The following DNAJC15 variants were observed in gnomAD, a reference collection of about 807,000 sequenced individuals.
The protein encoded by DNAJC15 is dnaJ homolog subfamily C member 15.
In DNAJC15, 27 loss-of-function variants were observed where a neutral mutation model predicts 22.4. The observed-to-expected ratio is 1.20, with a 90% CI of 0.89 to 1.66. The LOEUF is 1.66. Ranked by LOEUF, DNAJC15 falls within the 40% of genes most tolerant of loss-of-function variation. DNAJC15 has a pLI of 0.00. For synonymous variants in DNAJC15, 79 were observed against 63.2 expected, an observed-to-expected ratio of 1.25 and a Z score of -1.19; for missense variants, 208 against 187.1, an observed-to-expected ratio of 1.11 and a Z score of -0.65.
chr13:43,091,844 A>G (rs1289400247), intron 5 of DNAJC15, among the ~76,000 whole-genome samples: 1 of 152,104 alleles, frequency 6.6e-6, no homozygotes, highest in Non-Finnish European at 1.5e-5. Context: ...AGGGTTTTGT[A>G]GTTATCTCTA....
intron 2 of DNAJC15, among the ~76,000 whole-genome samples, chr13:43,067,128 C>T (rs2040587984): frequency 6.6e-6 from 1 of 152,162 alleles, no homozygotes; most frequent in Non-Finnish European, 1.5e-5. Context: ...GGCAGAGCTG[C>T]ATTCCATTTT....
intron 1 of DNAJC15, among the ~76,000 whole-genome samples, chr13:43,048,841 C>T (rs2040489829): frequency 6.6e-6 from 1 of 152,036 alleles, no homozygotes; most frequent in African/African-American, 2.4e-5. Flanking sequence ...AAAAATATAT[C>T]CAATAATTAG....
intron 5 of DNAJC15, among the ~76,000 whole-genome samples, chr13:43,099,978 C>G (rs1271071516): frequency 6.6e-6 from 1 of 151,812 alleles, no homozygotes; most frequent in Admixed American, 6.6e-5. Context: ...TTCTCTTTCT[C>G]TCTTCTATAA....
At chr13:43,072,930 A>T (rs917145911) in intron 3 of DNAJC15, among the ~76,000 whole-genome samples, 45 of 152,112 alleles carry the variant, frequency 3.0e-4, no homozygotes, top group African/African-American at 1.1e-3. Flanking sequence ...CCCATTTTTT[A>T]ATTAATGTGG....
At position 43,110,834 on chromosome 13, in the gene DNAJC15, C is replaced by G. The variant is rs2040821334; in HGVS notation, c.*3586C>G. The G allele has an allele frequency of 6.6e-6, 1 of 152,158 alleles. No individual in the cohort carries two copies. Among genetic ancestry groups the G allele is most frequent in the Admixed American group, 6.5e-5 (1 of 15,278 alleles). The allele number at this position is 152,158 out of a possible 1,614,324, so 9.4% of individuals were successfully genotyped here. A position where few individuals can be genotyped will look rare whatever the true frequency, so the allele number is the denominator to read the frequency against. On this transcript the variant is annotated 3_prime_UTR_variant, in exon 6 of 6. Transcript: ENST00000379221. ...TAGGCTTATAAAACTGAATTTTCAC[C>G]AGCCACACCCTCCCCCCAACTCCTT...
chr13:43,048,129 T>C (rs1368017742), intron 1 of DNAJC15, among the ~76,000 whole-genome samples: 1 of 152,214 alleles, frequency 6.6e-6, no homozygotes, highest in African/African-American at 2.4e-5. Flanking sequence ...TCAGAGAGAA[T>C]GCAGTGAAAG....
intron 1 of DNAJC15, among the ~76,000 whole-genome samples, chr13:43,043,994 C>T (rs2040465231): frequency 6.6e-6 from 1 of 152,022 alleles, no homozygotes; most frequent in Non-Finnish European, 1.5e-5. Context: ...TATAAATTCT[C>T]GTTATTGTCA....
chr13:43,107,124 T>C, intron 5 of DNAJC15, 54 bp from the exon 6 acceptor site: 2 of 1,442,296 alleles, frequency 1.4e-6, no homozygotes, highest in East Asian at 2.5e-5. Context: ...TTGGGGACTT[T>C]AAAGTATGTC....
At chr13:43,047,623 T>G (rs1489527250) in intron 1 of DNAJC15, among the ~76,000 whole-genome samples, 1 of 152,178 alleles carries the variant, frequency 6.6e-6, no homozygotes, top group Admixed American at 6.5e-5. Context: ...GATGAGGAAA[T>G]GGGCCCAAAG....
chr13:43,109,489 G>A lies in DNAJC15; in HGVS notation c.*2241G>A, dbSNP rs986658881. ...CCCTCAGATGCACCTTTTAATTGAT[G>A]TCATATTTTCCTAATCCATACTTTA... On this transcript the variant is annotated 3_prime_UTR_variant, in exon 6 of 6. Transcript: ENST00000379221. The A allele has an allele frequency of 5.3e-5, 8 of 152,122 alleles. No individual in the cohort carries two copies. The highest frequency in any genetic ancestry group is 1.3e-4 in the Admixed American group (2 of 15,260). 9.4% of individuals were successfully genotyped at this position (152,122 alleles called of 1,614,324 possible). A position where few individuals can be genotyped will look rare whatever the true frequency, so the allele number is the denominator to read the frequency against.
intron 1 of DNAJC15, among the ~76,000 whole-genome samples, chr13:43,058,477 T>TGTG (rs2040542012): frequency 6.6e-6 from 1 of 152,142 alleles, no homozygotes; most frequent in South Asian, 2.1e-4. Flanking sequence ...CAGGGCTTGC[T>TGTG]GTGGCCACTG....
chr13:43,086,698 T>C (rs984672528), intron 5 of DNAJC15, among the ~76,000 whole-genome samples: 1 of 152,238 alleles, frequency 6.6e-6, no homozygotes, highest in Admixed American at 6.5e-5. Flanking sequence ...TGAATAAACA[T>C]GAGAATAAAC....
chr13:43,030,693 CA>C (rs2040400633), intron 1 of DNAJC15, among the ~76,000 whole-genome samples: 2 of 152,154 alleles, frequency 1.3e-5, no homozygotes, highest in Non-Finnish European at 2.9e-5. Context: ...ATTTTTTCCT[CA>C]AGGGACTTGA....
intron 1 of DNAJC15, among the ~76,000 whole-genome samples, chr13:43,042,604 T>A (rs1228737064): frequency 6.6e-6 from 1 of 152,004 alleles, no homozygotes; most frequent in Non-Finnish European, 1.5e-5. Flanking sequence ...TGAGAAAAAA[T>A]GTCATGGTGC....
Position 43,113,857 on chromosome 13 carries a change from T to C in DNAJC15, c.*6609T>C, listed in dbSNP as rs2040835603. On this transcript the variant is annotated 3_prime_UTR_variant, in exon 6 of 6. Coordinates refer to ENST00000379221, the MANE Select transcript of DNAJC15 (RefSeq NM_013238.3). ...TGCCCCAGAATGTTGTACAGTGCAG[T>C]GCTGAAGAAAGCAGCAGGTACACAC... The C allele has an allele frequency of 6.6e-6, 1 of 152,248 alleles. No individual in the cohort carries two copies. Among genetic ancestry groups the C allele is most frequent in the African/African-American group, 2.4e-5 (1 of 41,462 alleles). 9.4% of individuals were successfully genotyped at this position (152,248 alleles called of 1,614,324 possible). A position where few individuals can be genotyped will look rare whatever the true frequency, so the allele number is the denominator to read the frequency against.
chr13:43,038,637 A>G (rs1270174607), intron 1 of DNAJC15, among the ~76,000 whole-genome samples: 1 of 152,066 alleles, frequency 6.6e-6, no homozygotes, highest in African/African-American at 2.4e-5. Flanking sequence ...CTAAAAATAC[A>G]AAAAATTAGC....
intron 1 of DNAJC15, among the ~76,000 whole-genome samples, chr13:43,041,752 GCTGT>G (rs1241410085): frequency 1.3e-5 from 2 of 152,236 alleles, no homozygotes; most frequent in Non-Finnish European, 1.5e-5. Flanking sequence ...CAGCTGGCCA[GCTGT>G]CTGTTTTACT....
chr13:43,054,580 CTTATTG>C (rs1197668253), intron 1 of DNAJC15, among the ~76,000 whole-genome samples: 10 of 152,122 alleles, frequency 6.6e-5, no homozygotes, highest in Admixed American at 2.6e-4. Flanking sequence ...TTCAGTCTCA[CTTATTG>C]TTATTGGTAT....
chr13:43,080,914 T>C (rs1186048677), intron 4 of DNAJC15, among the ~76,000 whole-genome samples: 1 of 152,254 alleles, frequency 6.6e-6, no homozygotes, highest in African/African-American at 2.4e-5. Flanking sequence ...TCAGGCAATG[T>C]TGATTATGAC....
Sources: gnomAD v4.1 joint callset for allele counts (sites outside exome capture counted in the v4.1 genomes callset) on GRCh38, gnomAD v4.1.1 for gene constraint, MANE v1.5 for transcripts, NCBI Gene and HGNC (gene_info 2026-07-23, HGNC 2026-07-21) for gene names.